Variants in ADAMTSL1 observed in about 807,000 individuals in gnomAD.
The protein encoded by ADAMTSL1 is ADAMTS-like protein 1.
A neutral mutation model predicts 201.8 loss-of-function variants in ADAMTSL1; 126 were observed. The ratio of observed to expected loss-of-function variants is 0.62; its 90% CI spans 0.54 to 0.72. ADAMTSL1 has a LOEUF of 0.72. ADAMTSL1 is among the 30% of genes least tolerant of loss of function. The probability of loss-of-function intolerance (pLI) is 0.00; values close to 1 mark genes in which losing one functional copy is unlikely to be tolerated. For synonymous variants in ADAMTSL1, 1,121 were observed against 903.4 expected (o/e 1.24, Z -4.32); for missense variants, 2,679 against 2,277.8 (o/e 1.18, Z -3.59).
chr9:18,385,974 G>A, intron 2 of ADAMTSL1, among the ~76,000 whole-genome samples: 1 of 152,152 alleles, frequency 6.6e-6, no homozygotes, highest in East Asian at 1.9e-4. Flanking sequence ...TCAGATGATA[G>A]TAATAATTTT....
At chr9:18,226,559 A>T (rs566095482) in intron 2 of ADAMTSL1, among the ~76,000 whole-genome samples, 1 of 152,226 alleles carries the variant, frequency 6.6e-6, no homozygotes, top group Admixed American at 6.5e-5. Context: ...CTCCCTCCAG[A>T]TATTTCAGTT....
chr9:18,630,890 T>C (rs566492117), intron 5 of ADAMTSL1, among the ~76,000 whole-genome samples: 1 of 152,258 alleles, frequency 6.6e-6, no homozygotes, highest in African/African-American at 2.4e-5. Flanking sequence ...CTCATCTCCC[T>C]ACAACCTCCA....
chr9:18,184,672 G>A (rs1031956105), intron 2 of ADAMTSL1, among the ~76,000 whole-genome samples: 2 of 152,128 alleles, frequency 1.3e-5, no homozygotes, highest in Non-Finnish European at 2.9e-5. Context: ...TAACAAACTC[G>A]TCTCATGTAG....
chr9:18,460,355 C>G (rs1033923911), intron 2 of ADAMTSL1, among the ~76,000 whole-genome samples: 6 of 152,198 alleles, frequency 3.9e-5, no homozygotes, highest in Non-Finnish European at 5.9e-5. Flanking sequence ...GCAGAAGATA[C>G]AGCATGCAGA....
intron 1 of ADAMTSL1, among the ~76,000 whole-genome samples, chr9:18,001,063 G>GA (rs1229196577): frequency 2.6e-5 from 4 of 151,920 alleles, no homozygotes; most frequent in Non-Finnish European, 5.9e-5. Context: ...CTATTGCCAG[G>GA]AAAAAATGAA....
chr9:18,901,979 A>G (rs1024878631), intron 26 of ADAMTSL1, among the ~76,000 whole-genome samples: 3 of 152,218 alleles, frequency 2.0e-5, no homozygotes, highest in Non-Finnish European at 4.4e-5. Context: ...TATTCCATGT[A>G]AATAAAAACC....
chr9:18,523,134 T>TAAC (rs1176933360), intron 2 of ADAMTSL1, among the ~76,000 whole-genome samples: 6 of 152,206 alleles, frequency 3.9e-5, no homozygotes, highest in Non-Finnish European at 5.9e-5. Flanking sequence ...ATCCCCATTC[T>TAAC]AACTGGTGTG....
At chr9:18,654,938 G>T (rs534439515) in intron 7 of ADAMTSL1, among the ~76,000 whole-genome samples, 8 of 152,220 alleles carry the variant, frequency 5.3e-5, no homozygotes, top group Non-Finnish European at 8.8e-5. Context: ...CACAGTAGTG[G>T]TTCACCTGTG....
At chr9:17,986,611 A>G (rs1300122342) in intron 1 of ADAMTSL1, among the ~76,000 whole-genome samples, 1 of 152,136 alleles carries the variant, frequency 6.6e-6, no homozygotes, top group Non-Finnish European at 1.5e-5. Context: ...TAAAAAGGAT[A>G]GGCAAGGGAA....
intron 2 of ADAMTSL1, among the ~76,000 whole-genome samples, chr9:18,206,646 G>A (rs552219225): frequency 1.3e-5 from 2 of 152,172 alleles, no homozygotes; most frequent in East Asian, 1.9e-4. Flanking sequence ...CTCTCTGTAA[G>A]CTGTTTTATC....
chr9:18,910,310 T>G lies in ADAMTSL1; in HGVS notation c.*1762T>G, dbSNP rs1220705989. Reference sequence around the variant, plus strand: ...AATGTTTTCTATGTCTGTATATCTTTTGTGAATATTTATTAGGATTTCTTA... The same window carrying G: ...AATGTTTTCTATGTCTGTATATCTTGTGTGAATATTTATTAGGATTTCTTA... On this transcript the variant is annotated 3_prime_UTR_variant, in exon 29 of 29. Coordinates refer to ENST00000380548, the MANE Select transcript of ADAMTSL1 (RefSeq NM_001040272.6). 6.6e-6 allele frequency: 1 copy of G among 152,224 alleles called. No individual in the cohort carries two copies. Among genetic ancestry groups the G allele is most frequent in the South Asian group, 2.1e-4 (1 of 4,832 alleles). 9.4% of individuals were successfully genotyped at this position (152,224 alleles called of 1,614,324 possible).
At chr9:18,691,763 A>G (rs894993254) in intron 13 of ADAMTSL1, among the ~76,000 whole-genome samples, 3 of 152,172 alleles carry the variant, frequency 2.0e-5, no homozygotes, top group Admixed American at 6.5e-5. Flanking sequence ...ATTTAACCCC[A>G]TATGCCTCCA....
intron 2 of ADAMTSL1, among the ~76,000 whole-genome samples, chr9:18,175,873 A>G (rs1317866951): frequency 6.6e-6 from 1 of 152,100 alleles, no homozygotes; most frequent in Admixed American, 6.5e-5. Context: ...GCTGAGGGGC[A>G]GTCTAGTACC....
intron 1 of ADAMTSL1, among the ~76,000 whole-genome samples, chr9:18,016,217 A>G (rs1006015132): frequency 1.3e-5 from 2 of 152,020 alleles, no homozygotes; most frequent in African/African-American, 4.8e-5. Context: ...ATTAGTTGTC[A>G]TTGAATTTAG....
chr9:18,732,288 A>C (rs895623976), intron 15 of ADAMTSL1, among the ~76,000 whole-genome samples: 3 of 152,206 alleles, frequency 2.0e-5, no homozygotes, highest in Admixed American at 2.0e-4. Flanking sequence ...ACCTAGCTTC[A>C]AGCCAGCTTT....
intron 2 of ADAMTSL1, among the ~76,000 whole-genome samples, chr9:18,451,419 G>A (rs1366705675): frequency 6.6e-6 from 1 of 152,154 alleles, no homozygotes; most frequent in African/African-American, 2.4e-5. Flanking sequence ...AGCTTTACCT[G>A]TCTAAATATG....
chr9:18,324,903 A>G (rs920621609), intron 2 of ADAMTSL1, among the ~76,000 whole-genome samples: 2 of 152,210 alleles, frequency 1.3e-5, no homozygotes, highest in Non-Finnish European at 2.9e-5. Context: ...CTAAATCAAT[A>G]ATAATGAGGT....
At chr9:18,662,381 A>C (rs1829157860) in intron 9 of ADAMTSL1, among the ~76,000 whole-genome samples, 1 of 152,164 alleles carries the variant, frequency 6.6e-6, no homozygotes, top group Non-Finnish European at 1.5e-5. Context: ...AACAAGGTCC[A>C]GGCCAATGGA....
At chr9:18,090,744 A>C (rs931703948) in intron 1 of ADAMTSL1, among the ~76,000 whole-genome samples, 31 of 152,202 alleles carry the variant, frequency 2.0e-4, no homozygotes, top group African/African-American at 6.8e-4. Context: ...TTAAAATGGT[A>C]AATTTTATGT....
Sources: gnomAD v4.1 joint callset for allele counts (sites outside exome capture counted in the v4.1 genomes callset) on GRCh38, gnomAD v4.1.1 for gene constraint, MANE v1.5 for transcripts, NCBI Gene and HGNC (gene_info 2026-07-23, HGNC 2026-07-21) for gene names.